Variants in KDM4C observed in about 807,000 individuals in gnomAD.
The protein encoded by KDM4C is lysine-specific demethylase 4C.
In KDM4C, 81 loss-of-function variants were observed where a neutral mutation model predicts 129.3. That is an observed-to-expected ratio of 0.63 (90% CI 0.52 to 0.75). The LOEUF is 0.75. KDM4C is among the 30% of genes least tolerant of loss of function. The pLI, the probability that KDM4C is intolerant of heterozygous loss-of-function variation, is 0.00. For synonymous variants in KDM4C, 573 were observed against 456.1 expected (o/e 1.26, Z -3.26); for missense variants, 1,457 against 1,304.0 (o/e 1.12, Z -1.81).
At chr9:6,965,260 C>T (rs12006125) in intron 8 of KDM4C, among the ~76,000 whole-genome samples, 19 of 151,298 alleles carry the variant, frequency 1.3e-4, no homozygotes, top group African/African-American at 4.4e-4. Context: ...AGTCTAAAAC[C>T]ACATATCAAT....
At chr9:6,999,184 G>A (rs1434764869) in intron 12 of KDM4C, among the ~76,000 whole-genome samples, 3 of 152,142 alleles carry the variant, frequency 2.0e-5, no homozygotes, top group African/African-American at 7.2e-5. Context: ...GGAAAATTAT[G>A]CCCTCCTGCT....
intron 17 of KDM4C, among the ~76,000 whole-genome samples, chr9:7,079,936 A>G (rs1040577144): frequency 6.6e-6 from 1 of 152,126 alleles, no homozygotes; most frequent in Admixed American, 6.5e-5. Flanking sequence ...CTTTTGCTTT[A>G]CAGAATAAAT....
intron 5 of KDM4C, among the ~76,000 whole-genome samples, chr9:6,852,436 CCT>C (rs1349698568): frequency 3.9e-5 from 6 of 152,150 alleles, no homozygotes; most frequent in African/African-American, 1.4e-4. Flanking sequence ...GCCAGAATGA[CCT>C]CCAGTCATTC....
chr9:6,903,895 A>C (rs989900734), intron 8 of KDM4C, among the ~76,000 whole-genome samples: 2 of 152,222 alleles, frequency 1.3e-5, no homozygotes, highest in African/African-American at 4.8e-5. Context: ...AATGTTATTC[A>C]AGATCCTATA....
chr9:6,860,031 G>C (rs1413748794), intron 5 of KDM4C, among the ~76,000 whole-genome samples: 1 of 152,126 alleles, frequency 6.6e-6, no homozygotes, highest in Non-Finnish European at 1.5e-5. Flanking sequence ...AAGCCTCCCT[G>C]TGTTTCTTTT....
intron 17 of KDM4C, among the ~76,000 whole-genome samples, chr9:7,079,513 T>G (rs889748807): frequency 6.6e-6 from 1 of 152,142 alleles, no homozygotes; most frequent in African/African-American, 2.4e-5. Context: ...GTGGAGACAG[T>G]GTTTCGCCAT....
At chr9:6,756,956 G>A (rs1238396906), upstream of KDM4C, among the ~76,000 whole-genome samples, 2 of 152,158 alleles carry the variant, frequency 1.3e-5, no homozygotes, top group Non-Finnish European at 1.5e-5. Context: ...TTGCTCACTG[G>A]TGTGAAGATA....
rs144209391 is a variant in KDM4C at position 6,729,487 on chromosome 9, C to T, written c.49+8490C>T. On this transcript the variant is annotated intron_variant, in intron 1 of 17. Transcript: ENST00000536108. ...GCCCAGGGGAGTGGGGCGGAGGTTG[C>T]AGTGAGCCAAGATCACGCCACTGCA... is the stretch of plus-strand genomic sequence containing the variant. 9.8e-3 allele frequency among the ~76,000 whole-genome samples: 1,298 copies of T among 132,114 alleles called. 210 individuals carry two copies. The highest frequency in any genetic ancestry group is 0.015 in the Middle Eastern group (4 of 260). 86.7% of individuals were successfully genotyped at this position (132,114 alleles called of 152,430 possible).
At chr9:7,052,658 T>A (rs1237955310) in intron 17 of KDM4C, among the ~76,000 whole-genome samples, 1 of 152,176 alleles carries the variant, frequency 6.6e-6, no homozygotes, top group African/African-American at 2.4e-5. Flanking sequence ...GCAGTACTCA[T>A]CTTGTTGGTT....
At chr9:6,841,470 T>C (rs1836894854) in intron 4 of KDM4C, among the ~76,000 whole-genome samples, 1 of 152,206 alleles carries the variant, frequency 6.6e-6, no homozygotes, top group Non-Finnish European at 1.5e-5. Context: ...ATATAGACTT[T>C]TCCTCTTCTA....
intron 15 of KDM4C, among the ~76,000 whole-genome samples, chr9:7,021,176 G>C (rs1225958951): frequency 6.7e-6 from 1 of 150,164 alleles, no homozygotes; most frequent in East Asian, 1.9e-4. Flanking sequence ...TTTTGAGATG[G>C]GGTCTTGCTC....
intron 12 of KDM4C, among the ~76,000 whole-genome samples, chr9:7,004,163 C>T (rs1460525970): frequency 2.0e-5 from 3 of 152,188 alleles, no homozygotes; most frequent in Non-Finnish European, 4.4e-5. Context: ...ATCCACAAGT[C>T]CTGGCAGCAG....
chr9:7,061,361 TA>T (rs1311284748), intron 17 of KDM4C, among the ~76,000 whole-genome samples: 2 of 152,240 alleles, frequency 1.3e-5, no homozygotes, highest in Admixed American at 6.5e-5. Flanking sequence ...TCTGTCCCGT[TA>T]CAGTTTTTGA....
At chr9:6,827,925 G>C (rs1261793218) in intron 4 of KDM4C, among the ~76,000 whole-genome samples, 1 of 152,224 alleles carries the variant, frequency 6.6e-6, no homozygotes, top group Non-Finnish European at 1.5e-5. Context: ...CATCCAGACA[G>C]GGGAGGTGAT....
At chr9:6,796,044 G>C (rs767687767) in intron 2 of KDM4C, among the ~76,000 whole-genome samples, 3 of 152,162 alleles carry the variant, frequency 2.0e-5, no homozygotes, top group Non-Finnish European at 4.4e-5. Context: ...GTGAGAGAGA[G>C]AGGAAACAAG....
intron 11 of KDM4C, among the ~76,000 whole-genome samples, chr9:6,987,361 A>G (rs1817911504): frequency 6.6e-6 from 1 of 152,246 alleles, no homozygotes; most frequent in South Asian, 2.1e-4. Context: ...AAATTGTACA[A>G]TATTGTCCTT....
chr9:7,052,909 G>GCGAGAGAT (rs767668455), intron 17 of KDM4C, among the ~76,000 whole-genome samples: 6 of 100,178 alleles, frequency 6.0e-5, no homozygotes, highest in Non-Finnish European at 9.6e-5. Context: ...GAGCGAGCGA[G>GCGAGAGAT]TGCCCAAGGG....
At chr9:7,114,502 T>C (rs1434442764) in intron 18 of KDM4C, among the ~76,000 whole-genome samples, 4 of 152,212 alleles carry the variant, frequency 2.6e-5, no homozygotes, top group Non-Finnish European at 1.5e-5. Context: ...ATAGCTTTCA[T>C]CTCTCTCAAA....
rs1246040405 is a variant in KDM4C, at chr9:6,984,203, G to A, written c.1153G>A (p.Ala385Thr). The change falls in exon 10 of 22, where the codon GCT becomes ACT. Residue 385 changes from alanine (A) to threonine (T), a missense_variant. Coordinates refer to ENST00000381309, the MANE Select transcript of KDM4C (RefSeq NM_015061.6). ...CARSTSKRPK[A>T]DEEEEVSDEV... The stretch of plus-strand genomic sequence containing the variant: ...TAGGTCTACCTCTAAAAGGCCTAAG[G>A]CTGATGAGGAAGAGGAAGTGTCAGA... 1.9e-6 allele frequency: 3 copies of A among 1,613,774 alleles called. No homozygotes were observed. The highest frequency in any genetic ancestry group is 2.2e-5 in the East Asian group (1 of 44,874).
Sources: gnomAD v4.1 joint callset for allele counts (sites outside exome capture counted in the v4.1 genomes callset) on GRCh38, gnomAD v4.1.1 for gene constraint, MANE v1.5 for transcripts, NCBI Gene and HGNC (gene_info 2026-07-23, HGNC 2026-07-21) for gene names.